The following COL18A1 variants were observed in gnomAD, a reference collection of about 807,000 sequenced individuals.
The protein encoded by COL18A1 is collagen type XVIII alpha 1 chain.
Under a neutral mutation model 168.0 loss-of-function variants are expected in COL18A1, and 133 were observed. The ratio of observed to expected loss-of-function variants is 0.79; its 90% CI spans 0.69 to 0.91. The LOEUF (loss-of-function observed/expected upper bound fraction) is 0.91, where lower values mean the gene tolerates loss of function less well. COL18A1 is among the 40% of genes least tolerant of loss of function. COL18A1 has a pLI of 0.00. For synonymous variants in COL18A1, 949 were observed against 809.0 expected (o/e 1.17, Z -2.94); for missense variants, 2,126 against 1,925.4 (o/e 1.10, Z -1.95).
rs369984358 is a variant in COL18A1 at position 45,510,060 on chromosome 21, G to A, written c.3496-4G>A. ...CAGCCCGTGACGCGCCCCTCTCCCCGCAGCTCCACCTGGTTGCGCTCAACA... is the reference window on the plus strand; with the variant it reads ...CAGCCCGTGACGCGCCCCTCTCCCCACAGCTCCACCTGGTTGCGCTCAACA... On this transcript the variant is annotated splice_region_variant and splice_polypyrimidine_tract_variant and intron_variant, in intron 39 of 41. Transcript: ENST00000651438. 8.1e-5 allele frequency: 126 copies of A among 1,555,826 alleles called. No individual in the cohort carries two copies. The highest frequency in any genetic ancestry group is 4.4e-4 in the Middle Eastern group (2 of 4,562).
rs193252382 is a variant in COL18A1 at position 45,504,235 on chromosome 21, T to C, written c.2727+181T>C. ...GATGTTCCTGTCCCCGGCTCAGTTT[T>C]TGGGGGACTCGGCTGATGCAGTGGG... On this transcript the variant is annotated intron_variant, in intron 33 of 41. Transcript: ENST00000651438. 4.5e-3 allele frequency: 4,017 copies of C among 901,032 alleles called. 43 individuals carry two copies. Among genetic ancestry groups the C allele is most frequent in the African/African-American group, 0.011 (651 of 60,110 alleles). 55.8% of individuals were successfully genotyped at this position (901,032 alleles called of 1,614,324 possible).
At chr21:45,474,312 GGTGTGTC>G (rs961309423) in intron 4 of COL18A1, among the ~76,000 whole-genome samples, 2 of 149,344 alleles carry the variant, frequency 1.3e-5, no homozygotes, top group African/African-American at 5.1e-5. Context: ...GTGTCTCTGT[GGTGTGTC>G]TGTCTTGTGT....
chr21:45,468,331 C>A lies in COL18A1; in HGVS notation c.196C>A (p.Leu66Met). The change falls in exon 3 of 42, where the codon CTG (leucine) becomes ATG (methionine). Residue 66 changes from leucine to methionine, a missense_variant. Coordinates refer to ENST00000651438, the MANE Select transcript of COL18A1 (RefSeq NM_001379500.1). ...VTQTDDPDVG[L>M]AYVFGPDANS... ...CCAGACGGATGACCCCGACGTCGGG[C>A]TGGCCTACGTCTTTGGGCCAGATGC... The A allele has an allele frequency of 6.2e-7, 1 of 1,613,498 alleles. No individual in the cohort carries two copies. Among genetic ancestry groups the A allele is most frequent in the Non-Finnish European group, 8.5e-7 (1 of 1,180,038 alleles).
chr21:45,469,041 C>A (rs915784737), intron 3 of COL18A1, among the ~76,000 whole-genome samples: 1 of 152,230 alleles, frequency 6.6e-6, no homozygotes, highest in African/African-American at 2.4e-5. Context: ...CTCCTGCGCC[C>A]CCAGGAAGGG....
At position 45,457,675 on chromosome 21, in the gene COL18A1, C is replaced by T. The variant is rs984167971; in HGVS notation, c.107-10567C>T. On this transcript the variant is annotated intron_variant, in intron 2 of 41. Coordinates refer to ENST00000651438, the MANE Select transcript of COL18A1 (RefSeq NM_001379500.1). This position sits in a 1 kb window ranked among gnomAD's most constrained non-coding sequence, Gnocchi z 4.6. ...CGGGGCCCCTGAGCTGTGCCTGCCC[C>T]ATTCAGATTCTGCTTGCTATGTGCA... 6.6e-6 allele frequency among the ~76,000 whole-genome samples: 1 copy of T among 152,230 alleles called. No individual in the cohort carries two copies. The highest frequency in any genetic ancestry group is 1.5e-5 in the Non-Finnish European group (1 of 68,032).
At chr21:45,437,739 C>T (rs1240373377) in intron 2 of COL18A1, among the ~76,000 whole-genome samples, 7 of 65,642 alleles carry the variant, frequency 1.1e-4, no homozygotes, top group Non-Finnish European at 1.1e-4. Context: ...CACACACACA[C>T]TCACACACTC....
chr21:45,410,594 A>G (rs189475969), intron 2 of COL18A1, among the ~76,000 whole-genome samples: 58 of 152,360 alleles, frequency 3.8e-4, no homozygotes, highest in African/African-American at 1.4e-3. Flanking sequence ...TCTGAAGTCC[A>G]TGCTTTTGTA....
rs2034891628 is a variant in COL18A1, at chr21:45,457,762, T to C, written c.107-10480T>C. On this transcript the variant is annotated intron_variant, in intron 2 of 41. Transcript: ENST00000651438. The surrounding 1 kb of genome is among the most constrained non-coding windows in gnomAD (Gnocchi z 4.6). ...GGTGAGGTGCTCTGTCCTCCTCTGC[T>C]GTCCTCCCCATAGTGCCGAGGGGAA... 6.6e-6 allele frequency among the ~76,000 whole-genome samples: 1 copy of C among 152,184 alleles called. No homozygotes were observed. Among genetic ancestry groups the C allele is most frequent in the South Asian group, 2.1e-4 (1 of 4,826 alleles).
chr21:45,411,638 C>G (rs2123505235), intron 2 of COL18A1, among the ~76,000 whole-genome samples: 1 of 151,900 alleles, frequency 6.6e-6, no homozygotes, highest in East Asian at 2.0e-4. Context: ...TCTGGAGGGC[C>G]CGGCGCTGTG....
At chr21:45,455,825 A>T (rs1416533504) in intron 2 of COL18A1, 2 of 1,613,224 alleles carry the variant, frequency 1.2e-6, no homozygotes, top group Non-Finnish European at 8.5e-7. Flanking sequence ...TTCTGCCGAG[A>T]GCCCGGACGC....
chr21:45,419,872 G>A (rs913266595), intron 2 of COL18A1: 2 of 152,158 alleles, frequency 1.3e-5, no homozygotes, highest in African/African-American at 4.8e-5. Context: ...CCCCCCTCCT[G>A]AGAATCTTCT....
chr21:45,498,603 TC>T lies in COL18A1; in HGVS notation c.2683+944del. On this transcript the variant is annotated intron_variant, in intron 32 of 41. Transcript: ENST00000651438. This position sits in a 1 kb window ranked among gnomAD's most constrained non-coding sequence, Gnocchi z 4.5. ...CAGAGGCCGAGTCTGGGCCGGGACA[TC>T]CTTAAGGCCTGTGGAGGCAAAGGCA... 2.8e-6 allele frequency: 2 copies of T among 714,414 alleles called. No homozygotes were observed. Among genetic ancestry groups the T allele is most frequent in the South Asian group, 3.0e-5 (2 of 67,534 alleles). The allele number at this position is 714,414 out of a possible 1,614,324, so 44.3% of individuals were successfully genotyped here.
intron 2 of COL18A1, among the ~76,000 whole-genome samples, chr21:45,406,812 A>G (rs986000303): frequency 3.9e-5 from 6 of 152,256 alleles, no homozygotes; most frequent in Non-Finnish European, 8.8e-5. Flanking sequence ...TTTGCCTTTG[A>G]ATAGAAAAAA....
At chr21:45,494,343 A>C in intron 26 of COL18A1, 1 of 626,654 alleles carries the variant, frequency 1.6e-6, no homozygotes, top group Non-Finnish European at 2.8e-6. Context: ...TCCCCTCACC[A>C]GTGGCTCCTG....
chr21:45,479,618 T>C (rs7280328), intron 9 of COL18A1, among the ~76,000 whole-genome samples: 19,299 of 102,778 alleles, frequency 0.19, 2,020 homozygotes, highest in African/African-American at 0.35. Flanking sequence ...CACACACACA[T>C]GTATGTAACA....
In COL18A1 at chr21:45,494,879, G is replaced by A. The variant is rs769167595; in HGVS notation, c.2397G>A (p.Pro799=). Residue 799 remains proline, a synonymous_variant, in exon 28 of 42, where the codon CCG becomes CCA. Transcript: ENST00000651438. ...TCTTGCAGGGTCCATACGGACGGCCGGGGTACAAGGGAGAGATTGGCTTTC... is the reference window on the plus strand; with the variant it reads ...TCTTGCAGGGTCCATACGGACGGCCAGGGTACAAGGGAGAGATTGGCTTTC... ...FRGPPGPYGR[P]GYKGEIGFPG... is the part of the protein sequence containing the mutation. 2.7e-5 allele frequency: 43 copies of A among 1,610,378 alleles called. No individual in the cohort carries two copies. The highest frequency in any genetic ancestry group is 3.3e-4 in the Middle Eastern group (2 of 6,078).
chr21:45,475,660 A>ATGTC, intron 5 of COL18A1, 125 bp downstream of exon 5: 1 of 854,684 alleles, frequency 1.2e-6, no homozygotes, highest in Non-Finnish European at 1.9e-6. Flanking sequence ...ACGAAGACAT[A>ATGTC]TTCCTGGCTG....
rs1044015654 is a variant in COL18A1 at position 45,472,451 on chromosome 21, T to TCCA, written c.652-1441_652-1439dup. On this transcript the variant is annotated intron_variant, in intron 3 of 41. Coordinates refer to ENST00000651438, the MANE Select transcript of COL18A1 (RefSeq NM_001379500.1). Reference sequence around the variant, plus strand: ...TGGTCTCAATCTCCTGACCTTGTGATCCACCCGCCTCGGCCTTCCAAAGTG... The same window carrying TCCA: ...TGGTCTCAATCTCCTGACCTTGTGATCCACCACCCGCCTCGGCCTTCCAAAGTG... 4.6e-5 allele frequency among the ~76,000 whole-genome samples: 7 copies of TCCA among 152,158 alleles called. 1 individual carries two copies. Among genetic ancestry groups the TCCA allele is most frequent in the Admixed American group, 4.6e-4 (7 of 15,272 alleles).
chr21:45,468,360 C>G lies in COL18A1; in HGVS notation c.225C>G (p.Asn75Lys). The part of the protein sequence containing the change: ...GLAYVFGPDA[N>K]SGQVARYHFP... ...CCTACGTCTTTGGGCCAGATGCCAA[C>G]AGTGGCCAAGTGGCCCGGTACCACT... The change falls in exon 3 of 42, where the codon AAC becomes AAG. Residue 75 changes from asparagine (N) to lysine (K), a missense_variant. Coordinates refer to ENST00000651438, the MANE Select transcript of COL18A1 (RefSeq NM_001379500.1). The G allele has an allele frequency of 1.2e-6, 2 of 1,613,808 alleles. No individual in the cohort carries two copies. Among genetic ancestry groups the G allele is most frequent in the Non-Finnish European group, 1.7e-6 (2 of 1,180,048 alleles).
Sources: gnomAD v4.1 joint callset for allele counts (sites outside exome capture counted in the v4.1 genomes callset) on GRCh38, gnomAD v4.1.1 for gene constraint, Gnocchi (gnomAD v3.1) non-coding constraint, MANE v1.5 for transcripts, NCBI Gene and HGNC (gene_info 2026-07-23, HGNC 2026-07-21) for gene names.